The following IQGAP1 variants were observed in gnomAD, a reference collection of about 807,000 sequenced individuals.
IQGAP1 encodes ras GTPase-activating-like protein IQGAP1.
Under a neutral mutation model 215.6 loss-of-function variants are expected in IQGAP1, and 66 were observed. That is an observed-to-expected ratio of 0.31 (90% CI 0.25 to 0.38). The LOEUF is 0.38. Among genes scored for constraint, IQGAP1 ranks in the 10% least tolerant of loss-of-function variants. The pLI, the probability that IQGAP1 is intolerant of heterozygous loss-of-function variation, is 1.00. For missense variants in IQGAP1, 1,712 were observed against 1,997.1 expected, an observed-to-expected ratio of 0.86 and a Z score of 2.72; for synonymous variants, 772 against 728.7, an observed-to-expected ratio of 1.06 and a Z score of -0.96.
chr15:90,452,651 G>T (rs1189859220), intron 11 of IQGAP1, 124 bp from the exon 12 acceptor site: 1 of 1,092,562 alleles, frequency 9.2e-7, no homozygotes, highest in African/African-American at 1.6e-5. Flanking sequence ...AAAGACGAAA[G>T]TTCCACTTCA....
In IQGAP1 at chr15:90,388,317, C is replaced by G. The variant is rs772947514; in HGVS notation, c.-25C>G. The G allele has an allele frequency of 6.3e-7, 1 of 1,597,702 alleles. No individual in the cohort carries two copies. Among genetic ancestry groups the G allele is most frequent in the East Asian group, 2.3e-5 (1 of 43,214 alleles). The stretch of plus-strand genomic sequence containing the variant: ...CGCCTCCAAGGTTTCACGGCTTCCT[C>G]AGCAGAGACTCGGGCTCGTCCGCCA... On this transcript the variant is annotated 5_prime_UTR_variant, in exon 1 of 38. Coordinates refer to ENST00000268182, the MANE Select transcript of IQGAP1 (RefSeq NM_003870.4).
chr15:90,446,429 G>T (rs1965528839), intron 9 of IQGAP1, among the ~76,000 whole-genome samples: 1 of 152,194 alleles, frequency 6.6e-6, no homozygotes, highest in Non-Finnish European at 1.5e-5. Context: ...CTTGATTAGA[G>T]CAAGATGCCA....
chr15:90,419,947 C>T (rs1380938123), intron 2 of IQGAP1, among the ~76,000 whole-genome samples: 1 of 152,170 alleles, frequency 6.6e-6, no homozygotes, highest in East Asian at 1.9e-4. Flanking sequence ...AATATAATAC[C>T]TGGTAACGTT....
intron 2 of IQGAP1, among the ~76,000 whole-genome samples, chr15:90,421,926 G>T (rs1343773406): frequency 1.3e-5 from 2 of 152,216 alleles, no homozygotes; most frequent in East Asian, 3.8e-4. Flanking sequence ...CTCCCAAAGT[G>T]CTGGGATTAC....
In IQGAP1 at chr15:90,452,775, G is replaced by A. The variant is rs1567131158; in HGVS notation, c.1163G>A (p.Arg388Lys). 13 of 1,613,790 alleles carry A rather than the reference G, an allele frequency of 8.1e-6. No individual in the cohort carries two copies. Among genetic ancestry groups the A allele is most frequent in the Non-Finnish European group, 1.0e-5 (12 of 1,179,912 alleles). Residue 388 changes from arginine (R) to lysine (K), a missense_variant and splice_region_variant, in exon 12 of 38, where the codon AGA (arginine) becomes AAA (lysine). By Grantham distance (26) the Arg-to-Lys change is conservative. Around this residue, in one of 2 missense-constraint regions of IQGAP1, gnomAD observed 1,021 missense variants for 1,074.2 expected, o/e 0.95. Transcript: ENST00000268182. ...ANSAAQQYQR[R>K]LAAVALINAA... ...TTTCTGACTCCTGTTTTTTACACAG[G>A]ATTGGCAGCAGTAGCACTGATTAAT...
At chr15:90,443,300 G>C (rs892910738) in intron 8 of IQGAP1, 94 bp from the exon 9 acceptor site, 2 of 724,896 alleles carry the variant, frequency 2.8e-6, no homozygotes, top group African/African-American at 3.5e-5. Flanking sequence ...CCATATTCTT[G>C]GTAGTGTTAT....
rs1385976549 is a variant in IQGAP1 at position 90,452,858 on chromosome 15, G to T, written c.1246G>T (p.Ala416Ser). 1.2e-6 allele frequency: 2 copies of T among 1,614,092 alleles called. No individual in the cohort carries two copies. Among genetic ancestry groups the T allele is most frequent in the Non-Finnish European group, 1.7e-6 (2 of 1,180,006 alleles). ...KTVLELMNPE[A>S]QLPQVYPFAA... is the part of the protein sequence containing the mutation. ...TGTTTTGGAACTGATGAATCCCGAA[G>T]CCCAGCTGCCCCAGGTGTATCCATT... The change falls in exon 12 of 38, where the codon GCC (alanine) becomes TCC (serine). Residue 416 changes from alanine to serine, a missense_variant. Physicochemically the swap from Ala to Ser is moderately conservative, Grantham distance 99. Transcript: ENST00000268182.
chr15:90,492,414 G>A, intron 34 of IQGAP1, 131 bp from the exon 35 acceptor site: 1 of 620,384 alleles, frequency 1.6e-6, no homozygotes, highest in Non-Finnish European at 2.5e-6. Context: ...GGGCAACAGA[G>A]TGTCTAAAAA....
At chr15:90,424,783 G>C (rs775817156) in intron 2 of IQGAP1, among the ~76,000 whole-genome samples, 6 of 151,818 alleles carry the variant, frequency 4.0e-5, no homozygotes, top group Admixed American at 6.6e-5. Context: ...AGGTTGTAGT[G>C]AGCTGAGATT....
intron 2 of IQGAP1, among the ~76,000 whole-genome samples, chr15:90,399,664 A>G (rs1178972203): frequency 1.3e-5 from 2 of 152,152 alleles, no homozygotes; most frequent in Non-Finnish European, 2.9e-5. Flanking sequence ...TTAATAATCG[A>G]TTGGCTTACT....
chr15:90,400,542 T>A (rs1964790430), intron 2 of IQGAP1, among the ~76,000 whole-genome samples: 1 of 152,204 alleles, frequency 6.6e-6, no homozygotes, highest in Non-Finnish European at 1.5e-5. Context: ...ACCACTTCCC[T>A]TTATAATCCG....
intron 2 of IQGAP1, among the ~76,000 whole-genome samples, chr15:90,420,361 C>G (rs770406807): frequency 1.3e-5 from 2 of 152,156 alleles, no homozygotes; most frequent in African/African-American, 4.8e-5. Context: ...CAGTGCTACT[C>G]ACATTATGCT....
chr15:90,437,015 G>A (rs565217589), intron 5 of IQGAP1, among the ~76,000 whole-genome samples: 1 of 152,260 alleles, frequency 6.6e-6, no homozygotes, highest in South Asian at 2.1e-4. Flanking sequence ...ACCTGAGACT[G>A]GGTAATTCAT....
intron 28 of IQGAP1, chr15:90,482,653 T>C: frequency 2.7e-6 from 2 of 741,472 alleles, no homozygotes; most frequent in Non-Finnish European, 3.3e-6. Context: ...TATGCTCTTC[T>C]CTTTTCTTTT....
Position 90,448,714 on chromosome 15 carries a change from G to A in IQGAP1, c.1055G>A (p.Ser352Asn), listed in dbSNP as rs779193983. The A allele has an allele frequency of 6.2e-7, 1 of 1,600,804 alleles. No homozygotes were observed. The highest frequency in any genetic ancestry group is 1.1e-5 in the South Asian group (1 of 88,738). ...NSDWYLKQLLSDKQQKRQSGQ... is the reference protein window; with the variant it reads ...NSDWYLKQLLNDKQQKRQSGQ... The stretch of plus-strand genomic sequence containing the variant: ...GACTGGTACTTGAAGCAGCTCCTGA[G>A]TGATAAACAGCAGAAGAGACAGGTA... Residue 352 changes from serine to asparagine, a missense_variant, in exon 10 of 38, where the codon AGT becomes AAT. This residue lies in a region of IQGAP1 where 1,021 missense variants were observed against 1,074.2 expected (regional missense o/e 0.95). Coordinates refer to ENST00000268182, the MANE Select transcript of IQGAP1 (RefSeq NM_003870.4).
intron 37 of IQGAP1, among the ~76,000 whole-genome samples, chr15:90,497,905 C>T (rs1237408685): frequency 6.6e-6 from 1 of 152,164 alleles, no homozygotes; most frequent in East Asian, 1.9e-4. Context: ...CATCCAGACT[C>T]CTTTAGCTTT....
At chr15:90,494,926 G>C in intron 36 of IQGAP1, 91 bp downstream of exon 36, 2 of 889,140 alleles carry the variant, frequency 2.2e-6, no homozygotes, top group African/African-American at 3.4e-5. Context: ...TTTTCTGGAT[G>C]GTTACTTTTA....
chr15:90,455,246 G>A (rs1280832652), intron 14 of IQGAP1, among the ~76,000 whole-genome samples: 1 of 152,192 alleles, frequency 6.6e-6, no homozygotes, highest in East Asian at 1.9e-4. Context: ...GTGATTGATA[G>A]TATTGGCTTT....
intron 1 of IQGAP1, among the ~76,000 whole-genome samples, chr15:90,389,504 G>A (rs1964604532): frequency 6.6e-6 from 1 of 151,936 alleles, no homozygotes; most frequent in African/African-American, 2.4e-5. Flanking sequence ...GCTAATTTTT[G>A]TATTTTTAGT....
Sources: allele counts gnomAD v4.1 joint callset (sites outside exome capture counted in the v4.1 genomes callset), GRCh38; gene constraint gnomAD v4.1.1; regional missense constraint gnomAD v4.1.1; transcripts MANE v1.5; gene names NCBI Gene and HGNC (gene_info 2026-07-23, HGNC 2026-07-21).